The following CARM1 variants were observed in gnomAD, a reference collection of about 807,000 sequenced individuals.
CARM1 encodes the protein coactivator associated arginine methyltransferase 1.
In CARM1, 14 loss-of-function variants were observed where a neutral mutation model predicts 72.7. The observed-to-expected ratio is 0.19, with a 90% CI of 0.13 to 0.30. The LOEUF (loss-of-function observed/expected upper bound fraction) is 0.30. Ranked by LOEUF, CARM1 falls within the 10% of genes least tolerant of loss-of-function variation. The probability of loss-of-function intolerance (pLI) is 1.00; values close to 1 mark genes in which losing one functional copy is unlikely to be tolerated. For synonymous variants in CARM1, 333 were observed against 345.5 expected, an observed-to-expected ratio of 0.96 and a Z score of 0.40; for missense variants, 432 against 833.7, an observed-to-expected ratio of 0.52 and a Z score of 5.93.
At chr19:10,909,024 C>T in intron 3 of CARM1, 79 bp from the exon 4 acceptor site, 9 of 1,086,386 alleles carry the variant, frequency 8.3e-6, no homozygotes, top group Non-Finnish European at 1.3e-5. Context: ...TGGCCCCTTG[C>T]TCTATCACAG....
intron 1 of CARM1, among the ~76,000 whole-genome samples, chr19:10,873,634 T>G (rs1418690519): frequency 3.4e-4 from 40 of 116,254 alleles, no homozygotes; most frequent in African/African-American, 1.3e-3. Flanking sequence ...GTTTTTTTTT[T>G]TTTTTTTTTT....
chr19:10,890,256 TTTTGTTTTG>T (rs1396782054), intron 1 of CARM1, among the ~76,000 whole-genome samples: 2 of 139,960 alleles, frequency 1.4e-5, no homozygotes, highest in African/African-American at 2.6e-5. Context: ...TTTTTTTGTT[TTTTGTTTTG>T]TTTGTTTTTT....
At chr19:10,914,385 C>T (rs1227714183) in intron 6 of CARM1, among the ~76,000 whole-genome samples, 2 of 152,208 alleles carry the variant, frequency 1.3e-5, no homozygotes, top group Non-Finnish European at 2.9e-5. Context: ...GTCAGCAGTT[C>T]CCCAACAAGC....
intron 3 of CARM1, among the ~76,000 whole-genome samples, 198 bp from the exon 4 acceptor site, chr19:10,908,905 C>T (rs11667234): frequency 4.6e-5 from 7 of 152,206 alleles, no homozygotes; most frequent in Non-Finnish European, 7.3e-5. Flanking sequence ...GTGATAGTGG[C>T]GGTGTCCTCC....
chr19:10,899,947 C>T (rs2074052358), intron 1 of CARM1, among the ~76,000 whole-genome samples: 2 of 152,072 alleles, frequency 1.3e-5, no homozygotes, highest in South Asian at 2.1e-4. Context: ...TCTCAAACTC[C>T]TGGGTTCAAG....
chr19:10,922,850 G>A lies in CARM1; in HGVS notation c.*1093G>A, dbSNP rs191874989. The A allele has an allele frequency of 3.2e-4, 51 of 157,404 alleles. No individual in the cohort carries two copies. The highest frequency in any genetic ancestry group is 6.7e-4 in the Non-Finnish European group (48 of 71,640). 9.8% of individuals were successfully genotyped at this position (157,404 alleles called of 1,614,324 possible). A position where few individuals can be genotyped will look rare whatever the true frequency, so the allele number is the denominator to read the frequency against. On this transcript the variant is annotated 3_prime_UTR_variant, in exon 16 of 16. Coordinates refer to ENST00000327064, the MANE Select transcript of CARM1 (RefSeq NM_199141.2). The stretch of plus-strand genomic sequence containing the variant: ...TCAGATGCTGGAGCTCAGGCCCGCC[G>A]TGTGTGCACCCAGGCAGGAGCGGGC...
chr19:10,919,855 G>T, intron 9 of CARM1, 22 bp from the exon 10 acceptor site: 2 of 1,599,352 alleles, frequency 1.3e-6, no homozygotes. Context: ...TTCCCCAGCA[G>T]CCACTGCCCT....
intron 4 of CARM1, among the ~76,000 whole-genome samples, chr19:10,911,831 C>T (rs935013870): frequency 2.6e-5 from 4 of 152,230 alleles, no homozygotes; most frequent in Non-Finnish European, 5.9e-5. Context: ...GACACTGCCA[C>T]CAACAACTCG....
At chr19:10,892,520 C>G (rs1274776419) in intron 1 of CARM1, among the ~76,000 whole-genome samples, 1 of 152,200 alleles carries the variant, frequency 6.6e-6, no homozygotes, top group Non-Finnish European at 1.5e-5. Flanking sequence ...ATCGGAGGAT[C>G]CGACTCAGGT....
chr19:10,898,114 GAAA>G (rs1161821831), intron 1 of CARM1, among the ~76,000 whole-genome samples: 4 of 122,448 alleles, frequency 3.3e-5, no homozygotes, highest in Non-Finnish European at 7.1e-5. Flanking sequence ...TCAAAAAAAA[GAAA>G]AAAAAAAAAA....
At chr19:10,917,147 A>G (rs942619766) in intron 8 of CARM1, among the ~76,000 whole-genome samples, 8 of 152,100 alleles carry the variant, frequency 5.3e-5, no homozygotes, top group African/African-American at 1.9e-4. Context: ...TTATTGATTG[A>G]TTTTACTTGA....
intron 1 of CARM1, among the ~76,000 whole-genome samples, chr19:10,895,968 GGA>G (rs2074020900): frequency 1.3e-5 from 2 of 152,160 alleles, no homozygotes; most frequent in South Asian, 2.1e-4. Flanking sequence ...ATCTTGACCG[GGA>G]GAGAGTGTTG....
chr19:10,918,639 G>A (rs567764611), intron 8 of CARM1, among the ~76,000 whole-genome samples: 13 of 152,204 alleles, frequency 8.5e-5, no homozygotes, highest in African/African-American at 2.2e-4. Flanking sequence ...CGCCCACCTT[G>A]CCCTCCTGCA....
chr19:10,871,996 G>T lies in CARM1; in HGVS notation c.220+74G>T. On this transcript the variant is annotated intron_variant, in intron 1 of 15. Coordinates refer to ENST00000327064, the MANE Select transcript of CARM1 (RefSeq NM_199141.2). The surrounding 1 kb of genome is among the most constrained non-coding windows in gnomAD (Gnocchi z 5.6). Reference sequence around the variant, plus strand: ...GCCGGCCCGGGGCGGGGGCCGGCGGGGAGGGGCCCTGAGCGCGGGGGCCTG... The same window carrying T: ...GCCGGCCCGGGGCGGGGGCCGGCGGTGAGGGGCCCTGAGCGCGGGGGCCTG... 10 of 1,132,738 alleles carry T rather than the reference G, an allele frequency of 8.8e-6. No individual in the cohort carries two copies. Among genetic ancestry groups the T allele is most frequent in the Non-Finnish European group, 1.1e-5 (10 of 917,624 alleles). The allele number at this position is 1,132,738 out of a possible 1,614,324, so 70.2% of individuals were successfully genotyped here.
At chr19:10,902,740 T>C (rs995206732) in intron 1 of CARM1, among the ~76,000 whole-genome samples, 2 of 151,672 alleles carry the variant, frequency 1.3e-5, no homozygotes, top group African/African-American at 4.8e-5. Context: ...TCCCAAGTAA[T>C]TGGGACTACA....
At chr19:10,881,180 T>G (rs997224968) in intron 1 of CARM1, among the ~76,000 whole-genome samples, 1 of 151,994 alleles carries the variant, frequency 6.6e-6, no homozygotes, top group Non-Finnish European at 1.5e-5. Flanking sequence ...AAAAAATGCT[T>G]CTTGCTTGAT....
intron 1 of CARM1, among the ~76,000 whole-genome samples, chr19:10,872,988 C>A (rs926689128): frequency 1.1e-4 from 17 of 152,102 alleles, no homozygotes; most frequent in African/African-American, 4.1e-4. Flanking sequence ...CCCTGCACCT[C>A]GACTTTGAAA....
At chr19:10,872,026 G>A in intron 1 of CARM1, 104 bp downstream of exon 1, 2 of 953,086 alleles carry the variant, frequency 2.1e-6, no homozygotes, top group Non-Finnish European at 2.6e-6. Context: ...GGCCTGGCGT[G>A]GGGTCCCCGG....
At chr19:10,888,866 C>T (rs920538328) in intron 1 of CARM1, among the ~76,000 whole-genome samples, 24 of 152,180 alleles carry the variant, frequency 1.6e-4, no homozygotes, top group Non-Finnish European at 4.4e-5. Context: ...TTTGTCTTGG[C>T]CTTCTATTCT....
Sources: allele counts gnomAD v4.1 joint callset (sites outside exome capture counted in the v4.1 genomes callset), GRCh38; gene constraint gnomAD v4.1.1; non-coding constraint Gnocchi (gnomAD v3.1); transcripts MANE v1.5; gene names NCBI Gene and HGNC (gene_info 2026-07-23, HGNC 2026-07-21).